The following CDH20 variants were observed in gnomAD, a reference collection of about 807,000 sequenced individuals.
CDH20 encodes cadherin-20.
In CDH20, 29 loss-of-function variants were observed where a neutral mutation model predicts 74.2. That is an observed-to-expected ratio of 0.39 (90% CI 0.29 to 0.53). CDH20 has a LOEUF of 0.53. Among genes scored for constraint, CDH20 ranks in the 20% least tolerant of loss-of-function variants. The pLI is 0.69. For missense variants in CDH20, 988 were observed against 1,048.3 expected (o/e 0.94, Z 0.79); for synonymous variants, 469 against 405.4 (o/e 1.16, Z -1.88).
chr18:61,492,244 CCA>C (rs1316112324), intron 2 of CDH20, among the ~76,000 whole-genome samples: 2 of 151,974 alleles, frequency 1.3e-5, no homozygotes, highest in African/African-American at 2.4e-5. Flanking sequence ...TTTCCCCTGC[CCA>C]CACATTCTCT....
At chr18:61,552,461 C>T (rs1021192952) in intron 11 of CDH20, among the ~76,000 whole-genome samples, 2 of 151,748 alleles carry the variant, frequency 1.3e-5, no homozygotes, top group African/African-American at 4.8e-5. Flanking sequence ...TCTATATAAA[C>T]GGCCTAATTC....
intron 6 of CDH20, among the ~76,000 whole-genome samples, chr18:61,514,233 G>A (rs1162244891): frequency 1.2e-4 from 18 of 151,114 alleles, no homozygotes; most frequent in South Asian, 2.1e-4. Context: ...TTCCCTTCTC[G>A]CTTCATTTCA....
chr18:61,548,147 G>C (rs1276790325), intron 10 of CDH20, among the ~76,000 whole-genome samples: 2 of 152,218 alleles, frequency 1.3e-5, no homozygotes, highest in Non-Finnish European at 2.9e-5. Context: ...TTGGTAGGTG[G>C]AAATATGAAT....
intron 1 of CDH20, among the ~76,000 whole-genome samples, chr18:61,390,289 C>T (rs1911736906): frequency 6.6e-6 from 1 of 152,152 alleles, no homozygotes; most frequent in Non-Finnish European, 1.5e-5. Context: ...TACAGCTTGC[C>T]TGTTTCTCAT....
chr18:61,492,085 T>G (rs1430236796), intron 2 of CDH20, among the ~76,000 whole-genome samples: 1 of 152,142 alleles, frequency 6.6e-6, no homozygotes, highest in Non-Finnish European at 1.5e-5. Flanking sequence ...TAAATTCTAC[T>G]GCACATGTGA....
chr18:61,490,787 G>C lies in CDH20; in HGVS notation c.234G>C (p.Leu78Phe). ...AAGAGTACACTGGGACCGACCCTTT[G>C]TATGTCGGCAAGGTAAGAAATGCCA... is the stretch of plus-strand genomic sequence containing the variant. ...VLEEYTGTDP[L>F]YVGKLHSDMD... is the part of the protein sequence containing the mutation. Residue 78 changes from leucine to phenylalanine, a missense_variant, in exon 2 of 12, where the codon TTG (leucine) becomes TTC (phenylalanine). Physicochemically the swap from Leu to Phe is conservative, Grantham distance 22 (BLOSUM62 0). Coordinates refer to ENST00000262717, the MANE Select transcript of CDH20 (RefSeq NM_031891.4). 1.2e-6 allele frequency: 2 copies of C among 1,614,088 alleles called. No individual in the cohort carries two copies. The highest frequency in any genetic ancestry group is 8.5e-7 in the Non-Finnish European group (1 of 1,179,936).
chr18:61,546,315 G>A (rs1248077809), intron 10 of CDH20, among the ~76,000 whole-genome samples: 1 of 152,212 alleles, frequency 6.6e-6, no homozygotes, highest in African/African-American at 2.4e-5. Flanking sequence ...GTTTTCTGCT[G>A]TAAAACTTGA....
intron 7 of CDH20, among the ~76,000 whole-genome samples, chr18:61,531,678 G>C (rs1316659983): frequency 2.6e-5 from 4 of 152,144 alleles, no homozygotes; most frequent in Non-Finnish European, 5.9e-5. Context: ...ATCTCACCTT[G>C]AATTGTAATA....
chr18:61,514,358 T>C (rs149401381), intron 6 of CDH20, among the ~76,000 whole-genome samples: 10,230 of 152,334 alleles, frequency 0.067, 434 homozygotes, highest in Middle Eastern at 0.11. Flanking sequence ...CATCAGCTCC[T>C]TTAAGCACTT....
At chr18:61,444,702 G>A (rs571243984) in intron 1 of CDH20, among the ~76,000 whole-genome samples, 56 of 152,276 alleles carry the variant, frequency 3.7e-4, no homozygotes, top group African/African-American at 1.3e-3. Context: ...AACTACAGCC[G>A]TGAACTGTCT....
intron 10 of CDH20, among the ~76,000 whole-genome samples, chr18:61,546,033 G>A (rs1167081865): frequency 1.3e-5 from 2 of 152,072 alleles, no homozygotes; most frequent in African/African-American, 2.4e-5. Context: ...GAAAAAAAAA[G>A]GTCAGGGCAA....
At position 61,406,129 on chromosome 18, in the gene CDH20, T is replaced by TA. The variant is rs547044736; in HGVS notation, c.-153+72312dup. On this transcript the variant is annotated intron_variant, in intron 1 of 11. Transcript: ENST00000262717. The stretch of plus-strand genomic sequence containing the variant: ...CTTTCCTAAAATATTTGAGTGGGTT[T>TA]AAAAAAAAAATCACAGATTTTCCTT... Among the ~76,000 whole-genome samples, 460 of 150,674 alleles carry TA rather than the reference T, an allele frequency of 3.1e-3. 1 individual carries two copies. The highest frequency in any genetic ancestry group is 7.3e-3 in the African/African-American group (301 of 41,176).
At chr18:61,414,886 A>T (rs1912634750) in intron 1 of CDH20, among the ~76,000 whole-genome samples, 1 of 152,096 alleles carries the variant, frequency 6.6e-6, no homozygotes, top group African/African-American at 2.4e-5. Flanking sequence ...GGCATTAAGT[A>T]CATTTTTATT....
intron 1 of CDH20, among the ~76,000 whole-genome samples, chr18:61,374,365 C>T (rs1298033114): frequency 6.6e-6 from 1 of 152,044 alleles, no homozygotes; most frequent in Non-Finnish European, 1.5e-5. Flanking sequence ...TTTAAAAGGT[C>T]ATTTTTCCAT....
chr18:61,467,145 G>A (rs552004741), intron 1 of CDH20, among the ~76,000 whole-genome samples: 2 of 151,276 alleles, frequency 1.3e-5, no homozygotes, highest in African/African-American at 4.8e-5. Context: ...TCTAATGACA[G>A]TATATATATA....
chr18:61,352,971 T>A (rs1199954024), intron 1 of CDH20, among the ~76,000 whole-genome samples: 1 of 152,286 alleles, frequency 6.6e-6, no homozygotes, highest in East Asian at 1.9e-4. Flanking sequence ...ATAATTCTCA[T>A]TCCTTTTGAT....
chr18:61,339,681 A>ATTTTTTTTTTTTTTT (rs898945778), intron 1 of CDH20, among the ~76,000 whole-genome samples: 10 of 88,420 alleles, frequency 1.1e-4, no homozygotes, highest in Admixed American at 1.6e-4. Context: ...GGTCATAGAA[A>ATTTTTTTTTTTTTTT]TTTTTTTTTT....
chr18:61,437,220 T>A (rs924179105), intron 1 of CDH20, among the ~76,000 whole-genome samples: 5 of 152,092 alleles, frequency 3.3e-5, no homozygotes, highest in African/African-American at 1.2e-4. Context: ...ATGGCAGATG[T>A]CTTTATAGGT....
At chr18:61,452,358 C>T (rs1002524417) in intron 1 of CDH20, among the ~76,000 whole-genome samples, 89 of 152,134 alleles carry the variant, frequency 5.9e-4, no homozygotes, top group African/African-American at 1.7e-3. Flanking sequence ...TTAAAAAGAG[C>T]GGTTACAAAC....
Sources: allele counts gnomAD v4.1 joint callset (sites outside exome capture counted in the v4.1 genomes callset), GRCh38; gene constraint gnomAD v4.1.1; transcripts MANE v1.5; gene names NCBI Gene and HGNC (gene_info 2026-07-23, HGNC 2026-07-21).